The following GMIP variants were observed in gnomAD, a reference collection of about 807,000 sequenced individuals.
GMIP encodes the protein GEM-interacting protein.
Under a neutral mutation model 105.3 loss-of-function variants are expected in GMIP, and 54 were observed. The ratio of observed to expected loss-of-function variants is 0.51; its 90% confidence interval spans 0.41 to 0.64. GMIP has a LOEUF of 0.64. GMIP is among the 30% of genes least tolerant of loss of function. The probability of loss-of-function intolerance (pLI) is 0.00; values close to 1 mark genes in which losing one functional copy is unlikely to be tolerated. For synonymous variants in GMIP, 541 were observed against 560.8 expected, an observed-to-expected ratio of 0.96 and a Z score of 0.50; for missense variants, 1,110 against 1,319.4, an observed-to-expected ratio of 0.84 and a Z score of 2.46.
chr19:19,637,547 G>A lies in GMIP; in HGVS notation c.942C>T (p.Leu314=), dbSNP rs1165610358. ...DEVLRRVTLS[L]FGLRGAQAER... ...CTGCCTGCGCCCCCCGCAGCCCGAAGAGACTCAGCGTCACCTGCCGGGTGG... is the reference window on the plus strand; with the variant it reads ...CTGCCTGCGCCCCCCGCAGCCCGAAAAGACTCAGCGTCACCTGCCGGGTGG... Residue 314 remains leucine, a synonymous_variant, in exon 11 of 21, where the codon CTC becomes CTT. Transcript: ENST00000203556. The surrounding 1 kb of genome is among the most constrained non-coding windows in gnomAD (Gnocchi z 6.7). The A allele has an allele frequency of 6.5e-7, 1 of 1,529,606 alleles. No individual in the cohort carries two copies. The highest frequency in any genetic ancestry group is 8.8e-7 in the Non-Finnish European group (1 of 1,142,596). The allele number at this position is 1,529,606 out of a possible 1,614,324, so 94.8% of individuals were successfully genotyped here. A position where few individuals can be genotyped will look rare whatever the true frequency, so the allele number is the denominator to read the frequency against.
chr19:19,633,933 G>T lies in GMIP; in HGVS notation c.2342C>A (p.Thr781Lys). The change falls in exon 19 of 21, where the codon ACA (threonine) becomes AAA (lysine). Residue 781 changes from threonine (T) to lysine (K), a missense_variant. Around this residue, in one of 3 missense-constraint regions of GMIP, gnomAD observed 394 missense variants for 450.5 expected, o/e 0.87. Transcript: ENST00000203556. Reference sequence around the variant, plus strand: ...CGGGGGTGGCGGTTGGGAGCTGGTTGTGAGGGGCCCAGGGGCTGGGCTGGA... The same window carrying T: ...CGGGGGTGGCGGTTGGGAGCTGGTTTTGAGGGGCCCAGGGGCTGGGCTGGA... ...QDSSPAPGPL[T>K]TSSQPPPPHL... 6.4e-7 allele frequency: 1 copy of T among 1,563,850 alleles called. No homozygotes were observed. The highest frequency in any genetic ancestry group is 8.7e-7 in the Non-Finnish European group (1 of 1,149,080).
Position 19,629,781 on chromosome 19 carries a change from C to G in GMIP, c.*182G>C, listed in dbSNP as rs2061772638. 1.6e-6 allele frequency: 1 copy of G among 628,226 alleles called. No individual in the cohort carries two copies. The highest frequency in any genetic ancestry group is 3.1e-5 in the Admixed American group (1 of 32,496). The allele number at this position is 628,226 out of a possible 1,614,324, so 38.9% of individuals were successfully genotyped here. On this transcript the variant is annotated 3_prime_UTR_variant, in exon 21 of 21. Transcript: ENST00000203556. ...TGGGGGGACTCTGGGACATTATCCCCAAAAGGGTTTTAGGCCTCCCCTAGG... is the reference window on the plus strand; with the variant it reads ...TGGGGGGACTCTGGGACATTATCCCGAAAAGGGTTTTAGGCCTCCCCTAGG...
At position 19,640,148 on chromosome 19, in the gene GMIP, G is replaced by A. The variant is rs760042781; in HGVS notation, c.474C>T (p.His158=). 1 of 1,613,812 alleles carries A rather than the reference G, an allele frequency of 6.2e-7. No homozygotes were observed. Among genetic ancestry groups the A allele is most frequent in the East Asian group, 2.2e-5 (1 of 44,862 alleles). ...TGGCCAGGGTTCCCAGGCTGAGATC[G>A]TGCTCCAGAAACAGGGTGTAGATGT... ...LQYIYTLFLE[H]DLSLGTLAME... Residue 158 remains histidine, a synonymous_variant, in exon 7 of 21, where the codon CAC becomes CAT. Transcript: ENST00000203556.
rs1216580540 is a variant in GMIP at position 19,630,468 on chromosome 19, C to T, written c.2539+3G>A. ...CTCCTGAGCCTCTCTCTAACATACTCACCTTCCCCTCCCCCATCTTTGGTG... is the reference window on the plus strand; with the variant it reads ...CTCCTGAGCCTCTCTCTAACATACTTACCTTCCCCTCCCCCATCTTTGGTG... On this transcript the variant is annotated splice_donor_region_variant and intron_variant, in intron 20 of 20. Transcript: ENST00000203556. This position sits in a 1 kb window ranked among gnomAD's most constrained non-coding sequence, Gnocchi z 4.8. 2 of 1,613,692 alleles carry T rather than the reference C, an allele frequency of 1.2e-6. No individual in the cohort carries two copies. The highest frequency in any genetic ancestry group is 3.3e-5 in the Admixed American group (2 of 59,974).
In GMIP at chr19:19,638,230, G is replaced by A. The variant is rs1195839235; in HGVS notation, c.718C>T (p.Pro240Ser). The change falls in exon 9 of 21, where the codon CCC becomes TCC. Residue 240 changes from proline (P) to serine (S), a missense_variant. Pro to Ser is a moderately conservative substitution (Grantham distance 74). Transcript: ENST00000203556. ...RSQGSPEDSAPQASPGPSKQQ... is the reference protein window; with the variant it reads ...RSQGSPEDSASQASPGPSKQQ... The stretch of plus-strand genomic sequence containing the variant: ...TTGCTAGGTCCCGGCGAGGCCTGGG[G>A]GGCCGAGTCCTCAGGGGACCCCTGG... The A allele has an allele frequency of 6.2e-7, 1 of 1,600,706 alleles. No individual in the cohort carries two copies. Among genetic ancestry groups the A allele is most frequent in the East Asian group, 2.2e-5 (1 of 44,746 alleles).
In GMIP at chr19:19,638,194, G is replaced by A. The variant is rs1402624579; in HGVS notation, c.754C>T (p.Arg252Trp). 1 of 1,594,060 alleles carries A rather than the reference G, an allele frequency of 6.3e-7. No homozygotes were observed. The highest frequency in any genetic ancestry group is 8.5e-7 in the Non-Finnish European group (1 of 1,177,130). ...ASPGPSKQQE[R>W]RRRSREEAQA... The stretch of plus-strand genomic sequence containing the variant: ...GCCTCCTCTCGCGAGCGCCGCCGCC[G>A]CTCCTGCTGCTTGCTAGGTCCCGGC... Residue 252 changes from arginine to tryptophan, a missense_variant, in exon 9 of 21, where the codon CGG becomes TGG. By Grantham distance (101) the Arg-to-Trp change is moderately radical. Coordinates refer to ENST00000203556, the MANE Select transcript of GMIP (RefSeq NM_016573.4).
intron 7 of GMIP, 78 bp from the exon 8 acceptor site, chr19:19,638,560 T>G (rs2144863591): frequency 1.7e-6 from 2 of 1,197,858 alleles, no homozygotes; most frequent in East Asian, 4.9e-5. Context: ...CTTCCATTCC[T>G]GCGCCATGTG....
At chr19:19,640,621 A>T in intron 4 of GMIP, 50 bp from the exon 5 acceptor site, 1 of 1,605,880 alleles carries the variant, frequency 6.2e-7, no homozygotes, top group Non-Finnish European at 8.5e-7. Context: ...TCTGCTATGG[A>T]TGTCTTCCCT....
rs371610378 is a variant in GMIP at position 19,636,986 on chromosome 19, G to C, written c.1168C>G (p.Pro390Ala). Residue 390 changes from proline to alanine, a missense_variant, in exon 12 of 21, where the codon CCA (proline) becomes GCA (alanine). This residue lies in a region of GMIP where 667 missense variants were observed against 773.2 expected (regional missense o/e 0.86). Transcript: ENST00000203556. ...IRKKLSGPLP[P>A]RLDENSAEPG... ...TCAGCTGAATTCTCATCCAGCCTTG[G>C]AGGAAGAGGCCCAGAGAGCTTCTTT... is the stretch of plus-strand genomic sequence containing the variant. 5.8e-4 allele frequency: 919 copies of C among 1,583,030 alleles called. 10 individuals are homozygous for C. In the South Asian group the frequency reaches 7.0e-3, roughly 12 times the overall value.
intron 19 of GMIP, among the ~76,000 whole-genome samples, chr19:19,633,441 G>A (rs2061816283): frequency 6.6e-6 from 1 of 152,144 alleles, no homozygotes. Flanking sequence ...TCATGTATAT[G>A]GTTGTTCTTT....
intron 19 of GMIP, among the ~76,000 whole-genome samples, chr19:19,631,095 G>A (rs2061790684): frequency 6.6e-6 from 1 of 152,130 alleles, no homozygotes; most frequent in South Asian, 2.1e-4. Flanking sequence ...CAGCTACTAG[G>A]GAGGCTGAGG....
chr19:19,642,938 G>A (rs1475072112), intron 1 of GMIP, among the ~76,000 whole-genome samples: 1 of 152,112 alleles, frequency 6.6e-6, no homozygotes, highest in Non-Finnish European at 1.5e-5. Context: ...ATGGAACCAC[G>A]GGCTAGACAG....
chr19:19,636,021 T>C (rs2061850714), intron 13 of GMIP, among the ~76,000 whole-genome samples: 1 of 151,532 alleles, frequency 6.6e-6, no homozygotes, highest in East Asian at 1.9e-4. Flanking sequence ...CTGGCCAACA[T>C]GGCAAAACCT....
In GMIP at chr19:19,636,919, T is replaced by G; in HGVS notation, c.1235A>C (p.Gln412Pro). The G allele has an allele frequency of 1.3e-6, 2 of 1,576,926 alleles. No individual in the cohort carries two copies. The highest frequency in any genetic ancestry group is 1.7e-6 in the Non-Finnish European group (2 of 1,159,996). Residue 412 changes from glutamine (Q) to proline (P), a missense_variant and splice_region_variant, in exon 12 of 21, where the codon CAA becomes CCA. Gln to Pro is a moderately conservative substitution (Grantham distance 76). Around this residue, in one of 3 missense-constraint regions of GMIP, gnomAD observed 667 missense variants for 773.2 expected, o/e 0.86. Coordinates refer to ENST00000203556, the MANE Select transcript of GMIP (RefSeq NM_016573.4). ...CACCTGGCCCTCATTGCACTCACCT[T>G]GCCAGCGCCAGCCTGTGCCCGGATC... ...WEDPGTGWRW[Q>P]GTPGPTPGSD...
chr19:19,634,183 C>T lies in GMIP; in HGVS notation c.2092G>A (p.Ala698Thr). The T allele has an allele frequency of 6.3e-7, 1 of 1,595,682 alleles. No homozygotes were observed. Among genetic ancestry groups the T allele is most frequent in the Non-Finnish European group, 8.6e-7 (1 of 1,169,070 alleles). The change falls in exon 19 of 21, where the codon GCA becomes ACA. Residue 698 changes from alanine to threonine, a missense_variant. Transcript: ENST00000203556. The surrounding 1 kb of genome is among the most constrained non-coding windows in gnomAD (Gnocchi z 6.1). ...HLVAHLFRVAARFMENKMSAN... is the reference protein window; with the variant it reads ...HLVAHLFRVATRFMENKMSAN... ...GACATCTTGTTTTCCATAAATCGTG[C>T]AGCCACCCTGGGGATGGTGTGAAGA...
Position 19,634,456 on chromosome 19 carries a change from G to T in GMIP, c.2084+51C>A. The T allele has an allele frequency of 6.8e-7, 1 of 1,467,850 alleles. No individual in the cohort carries two copies. Among genetic ancestry groups the T allele is most frequent in the Non-Finnish European group, 9.4e-7 (1 of 1,067,792 alleles). 90.9% of individuals were successfully genotyped at this position (1,467,850 alleles called of 1,614,324 possible). A position where few individuals can be genotyped will look rare whatever the true frequency, so the allele number is the denominator to read the frequency against. On this transcript the variant is annotated intron_variant, in intron 18 of 20. Transcript: ENST00000203556. The surrounding 1 kb of genome is among the most constrained non-coding windows in gnomAD (Gnocchi z 6.1). The stretch of plus-strand genomic sequence containing the variant: ...GGGTCAGCCAGGGAAGTTAGTAGTC[G>T]CATGTCCAGGGAAAAGGGTCGCGTT...
chr19:19,630,587 T>A lies in GMIP; in HGVS notation c.2473-50A>T. 6.7e-7 allele frequency: 1 copy of A among 1,497,372 alleles called. No individual in the cohort carries two copies. Among genetic ancestry groups the A allele is most frequent in the Non-Finnish European group, 9.3e-7 (1 of 1,073,996 alleles). 92.8% of individuals were successfully genotyped at this position (1,497,372 alleles called of 1,614,324 possible). A position where few individuals can be genotyped will look rare whatever the true frequency, so the allele number is the denominator to read the frequency against. ...GACCCCAACACTAAAATCCCAGTTCTTTGAGATTCCTGGAGAGCCAAGGGC... is the reference window on the plus strand; with the variant it reads ...GACCCCAACACTAAAATCCCAGTTCATTGAGATTCCTGGAGAGCCAAGGGC... On this transcript the variant is annotated intron_variant, in intron 19 of 20. Coordinates refer to ENST00000203556, the MANE Select transcript of GMIP (RefSeq NM_016573.4). The surrounding 1 kb of genome is among the most constrained non-coding windows in gnomAD (Gnocchi z 4.8).
Position 19,643,366 on chromosome 19 carries a change from C to T in GMIP, c.19+145G>A, listed in dbSNP as rs754355156. 22 of 699,700 alleles carry T rather than the reference C, an allele frequency of 3.1e-5. No individual in the cohort carries two copies. The Admixed American group carries it at 3.2e-4, about 10-fold the overall frequency. 43.3% of individuals were successfully genotyped at this position (699,700 alleles called of 1,614,324 possible). On this transcript the variant is annotated intron_variant, in intron 1 of 20. Coordinates refer to ENST00000203556, the MANE Select transcript of GMIP (RefSeq NM_016573.4). Reference sequence around the variant, plus strand: ...GTCCTGAACCCATCCGGGCACAGGGCTCCCCACAATGGAGGATCCCTGGGT... The same window carrying T: ...GTCCTGAACCCATCCGGGCACAGGGTTCCCCACAATGGAGGATCCCTGGGT...
chr19:19,636,639 A>C, intron 13 of GMIP, 68 bp downstream of exon 13: 3 of 1,135,436 alleles, frequency 2.6e-6, no homozygotes, highest in Non-Finnish European at 4.0e-6. Flanking sequence ...ATTGAGGGTC[A>C]GAGCTTGGCC....
Sources: gnomAD v4.1 joint callset for allele counts (sites outside exome capture counted in the v4.1 genomes callset) on GRCh38, gnomAD v4.1.1 for gene constraint, gnomAD v4.1.1 regional missense constraint, Gnocchi (gnomAD v3.1) non-coding constraint, MANE v1.5 for transcripts, NCBI Gene and HGNC (gene_info 2026-07-23, HGNC 2026-07-21) for gene names.